The following ZNF91 variants were observed in gnomAD, a reference collection of about 807,000 sequenced individuals.
The protein encoded by ZNF91 is zinc finger protein 91.
A neutral mutation model predicts 12.6 loss-of-function variants in ZNF91; 7 were observed. That is an observed-to-expected ratio of 0.55 (90% CI 0.31 to 1.04). The LOEUF is 1.04. Among genes scored for constraint, ZNF91 ranks in the 50% least tolerant of loss-of-function variants. The pLI is 0.05. For missense variants in ZNF91, 1,217 were observed against 1,385.4 expected, an observed-to-expected ratio of 0.88 and a Z score of 1.93; for synonymous variants, 453 against 462.6, an observed-to-expected ratio of 0.98 and a Z score of 0.27.
chr19:23,375,774 A>G (rs531592677), intron 1 of ZNF91, among the ~76,000 whole-genome samples: 3 of 152,310 alleles, frequency 2.0e-5, no homozygotes, highest in Non-Finnish European at 4.4e-5. Flanking sequence ...TCACCTGCAT[A>G]AAGATACTTA....
intron 1 of ZNF91, among the ~76,000 whole-genome samples, chr19:23,331,293 T>C (rs567326916): frequency 7.4e-6 from 1 of 134,742 alleles, no homozygotes; most frequent in Non-Finnish European, 1.6e-5. Flanking sequence ...TTAATTAAGT[T>C]AATAAAGAAA....
In ZNF91 at chr19:23,359,506, A is replaced by G; in HGVS notation, c.3473T>C (p.Ile1158Thr). ...ILTNHKKIHT[I>T]TPVIPLLWEA... is the part of the protein sequence containing the mutation. ...CCAAAGTAGTGGGATTACAGGTGTG[A>G]TAGTATGAATTTTCTTATGGTTAGT... The change falls in exon 4 of 4, where the codon ATC becomes ACC. Residue 1158 changes from isoleucine to threonine, a missense_variant. This residue lies in a region of ZNF91 where 491 missense variants were observed against 489.8 expected (regional missense o/e 1.00). Coordinates refer to ENST00000300619, the MANE Select transcript of ZNF91 (RefSeq NM_003430.4). 2 of 1,613,742 alleles carry G rather than the reference A, an allele frequency of 1.2e-6. No individual in the cohort carries two copies. Among genetic ancestry groups the G allele is most frequent in the African/African-American group, 2.7e-5 (2 of 74,994 alleles).
At position 23,360,309 on chromosome 19, in the gene ZNF91, T is replaced by G. The variant is rs763544110; in HGVS notation, c.2670A>C (p.Ala890=). 6.2e-7 allele frequency: 1 copy of G among 1,613,654 alleles called. No homozygotes were observed. The highest frequency in any genetic ancestry group is 1.7e-5 in the Admixed American group (1 of 60,008). Residue 890 remains alanine (A), a synonymous_variant, in exon 4 of 4, where the codon GCA becomes GCC. Coordinates refer to ENST00000300619, the MANE Select transcript of ZNF91 (RefSeq NM_003430.4). ...KPSKSEECDK[A]FIWSSTLTEH... ...CAGTAAGGGTTGAGGACCAGATAAA[T>G]GCTTTGTCACATTCTTCACTCTTGG...
intron 1 of ZNF91, chr19:23,324,451 G>A (rs1967797869): frequency 6.6e-6 from 1 of 151,982 alleles, no homozygotes; most frequent in African/African-American, 2.4e-5. Flanking sequence ...GCGCTAGAAA[G>A]AACTGATGTG....
chr19:23,373,720 T>G lies in ZNF91; in HGVS notation c.253+22A>C, dbSNP rs373305708. On this transcript the variant is annotated intron_variant, in intron 3 of 3. Transcript: ENST00000300619. ...CTTTGGGCCTCTCATCCTTGTCGTCTGTTGTATTCACTCTCACCTACCTGT... is the reference window on the plus strand; with the variant it reads ...CTTTGGGCCTCTCATCCTTGTCGTCGGTTGTATTCACTCTCACCTACCTGT... The G allele has an allele frequency of 3.1e-6, 5 of 1,589,982 alleles. No homozygotes were observed. The African/African-American group carries it at 6.8e-5, about 21-fold the overall frequency.
chr19:23,319,411 A>G (rs566852513), intron 1 of ZNF91, among the ~76,000 whole-genome samples: 1 of 152,192 alleles, frequency 6.6e-6, no homozygotes, highest in African/African-American at 2.4e-5. Context: ...GCTCTGCTAA[A>G]GAGGGTTATT....
intron 1 of ZNF91, among the ~76,000 whole-genome samples, chr19:23,318,369 T>C (rs555961844): frequency 3.0e-4 from 45 of 152,106 alleles, no homozygotes; most frequent in Non-Finnish European, 5.6e-4. Context: ...ACAGGGGATA[T>C]TGTGACTCAT....
At chr19:23,343,492 G>C (rs1442364421) in intron 3 of ZNF91, among the ~76,000 whole-genome samples, 1 of 152,220 alleles carries the variant, frequency 6.6e-6, no homozygotes, top group Non-Finnish European at 1.5e-5. Flanking sequence ...ATTAAGATAA[G>C]GGATGTAAGA....
At chr19:23,373,393 CAG>C (rs1293823612) in intron 3 of ZNF91, among the ~76,000 whole-genome samples, 2 of 120,302 alleles carry the variant, frequency 1.7e-5, no homozygotes, top group African/African-American at 6.2e-5. Context: ...TATAAATAAA[CAG>C]TACTTTAAAA....
intron 3 of ZNF91, among the ~76,000 whole-genome samples, chr19:23,367,343 A>AT (rs2145077393): frequency 6.7e-6 from 1 of 149,466 alleles, no homozygotes; most frequent in Admixed American, 6.6e-5. Flanking sequence ...AAGAATATCA[A>AT]TATTATCCAC....
rs184351878 is a variant in ZNF91, at chr19:23,360,088, T to C, written c.2891A>G (p.Lys964Arg). ...TTHKIIHTGE[K>R]PYKCEECGKA... is the part of the protein sequence containing the mutation. ...GCCACATTCTTCACATTTGTAGGGT[T>C]TCTCTCCAGTATGAATTATCTTATG... Residue 964 changes from lysine (K) to arginine (R), a missense_variant, in exon 4 of 4, where the codon AAA becomes AGA. Transcript: ENST00000300619. The C allele has an allele frequency of 2.5e-3, 4,083 of 1,613,532 alleles. 32 individuals are homozygous for C. Among genetic ancestry groups the C allele is most frequent in the Non-Finnish European group, 2.1e-3 (2,487 of 1,179,984 alleles).
intron 1 of ZNF91, among the ~76,000 whole-genome samples, chr19:23,322,829 TCCCCCACCTCCTCCTCCACTTCTCCC>T (rs1967733442): frequency 3.9e-5 from 2 of 50,900 alleles, no homozygotes; most frequent in Admixed American, 2.3e-4. Context: ...CCTCCACTTC[TCCCCCACCTCCTCCTCCACTTCTCCC>T]CCACCTCCTC....
At chr19:23,318,686 C>T (rs1222263630) in intron 1 of ZNF91, among the ~76,000 whole-genome samples, 1 of 152,146 alleles carries the variant, frequency 6.6e-6, no homozygotes, top group Non-Finnish European at 1.5e-5. Flanking sequence ...GATTCCAGTA[C>T]CTAGGTGTTG....
rs748656529 is a variant in ZNF91 at position 23,359,562 on chromosome 19, A to G, written c.3417T>C (p.Cys1139=). The change falls in exon 4 of 4, where the codon TGT becomes TGC. Residue 1139 remains cysteine, a synonymous_variant. Transcript: ENST00000300619. ...TTGAAGACTGGTTAAAGGCTTTGCCACATTTTTCACATTTGTAGGGTTTCT... is the reference window on the plus strand; with the variant it reads ...TTGAAGACTGGTTAAAGGCTTTGCCGCATTTTTCACATTTGTAGGGTTTCT... ...TGEKPYKCEK[C]GKAFNQSSIL... The G allele has an allele frequency of 6.2e-7, 1 of 1,614,074 alleles. No individual in the cohort carries two copies. Among genetic ancestry groups the G allele is most frequent in the Admixed American group, 1.7e-5 (1 of 60,026 alleles).
chr19:23,368,885 A>C (rs1969138743), intron 3 of ZNF91, among the ~76,000 whole-genome samples: 1 of 152,170 alleles, frequency 6.6e-6, no homozygotes, highest in African/African-American at 2.4e-5. Context: ...AAAACATTTG[A>C]AAGGACACAC....
At chr19:23,384,417 C>G in intron 1 of ZNF91, 1 of 280,504 alleles carries the variant, frequency 3.6e-6, no homozygotes, top group Non-Finnish European at 6.9e-6. Context: ...TCTGAAGCCA[C>G]TTGAGAAAAA....
intron 3 of ZNF91, among the ~76,000 whole-genome samples, chr19:23,366,735 C>A (rs1969029973): frequency 6.6e-6 from 1 of 152,226 alleles, no homozygotes. Flanking sequence ...AAAGTGCACA[C>A]ATTTTGATTA....
chr19:23,308,709 C>T (rs1599677011), intron 2 of ZNF91: 1 of 152,198 alleles, frequency 6.6e-6, no homozygotes, highest in South Asian at 2.1e-4. Flanking sequence ...TGGAGCAGAG[C>T]CCACCTTCTA....
At chr19:23,330,337 A>C (rs75314224) in intron 1 of ZNF91, among the ~76,000 whole-genome samples, 1 of 147,968 alleles carries the variant, frequency 6.8e-6, no homozygotes, top group African/African-American at 2.5e-5. Flanking sequence ...TCTCAAAAGA[A>C]AAAAAAAAAA....
Sources: gnomAD v4.1 joint callset for allele counts (sites outside exome capture counted in the v4.1 genomes callset) on GRCh38, gnomAD v4.1.1 for gene constraint, gnomAD v4.1.1 regional missense constraint, MANE v1.5 for transcripts, NCBI Gene and HGNC (gene_info 2026-07-23, HGNC 2026-07-21) for gene names.